Variants in IKZF2 observed in about 807,000 individuals in gnomAD.
IKZF2 encodes IKAROS family zinc finger 2.
A neutral mutation model predicts 49.2 loss-of-function variants in IKZF2; 15 were observed. The observed-to-expected ratio is 0.30, with a 90% CI of 0.20 to 0.47. The LOEUF (loss-of-function observed/expected upper bound fraction) is 0.47. IKZF2 is among the 20% of genes least tolerant of loss of function. The pLI, the probability that IKZF2 is intolerant of heterozygous loss-of-function variation, is 1.00. For missense variants in IKZF2, 567 were observed against 664.6 expected (o/e 0.85, Z 1.61); for synonymous variants, 227 against 221.4 (o/e 1.03, Z -0.23).
In IKZF2 at chr2:213,024,056, A is replaced by G. The variant is rs866677254; in HGVS notation, c.575-1926T>C. Among the ~76,000 whole-genome samples, 11 of 152,198 alleles carry G rather than the reference A, an allele frequency of 7.2e-5. 1 individual carries two copies. The highest frequency in any genetic ancestry group is 2.1e-4 in the South Asian group (1 of 4,816). ...TTTCTACTCACTTTTTACTACTCTC[A>G]TTACTATCCCATCTGCTTTATTTCA... is the stretch of plus-strand genomic sequence containing the variant. On this transcript the variant is annotated intron_variant, in intron 6 of 8. Coordinates refer to ENST00000434687, the MANE Select transcript of IKZF2 (RefSeq NM_001387220.1).
At chr2:213,123,468 C>T (rs538738978) in intron 4 of IKZF2, among the ~76,000 whole-genome samples, 156 of 151,956 alleles carry the variant, frequency 1.0e-3, no homozygotes, top group African/African-American at 3.7e-3. Context: ...TTTGAATTGT[C>T]GAATAAAAGA....
chr2:213,135,495 T>A (rs879217719), intron 4 of IKZF2, among the ~76,000 whole-genome samples: 1 of 151,912 alleles, frequency 6.6e-6, no homozygotes, highest in African/African-American at 2.4e-5. Context: ...AAGACCAGCC[T>A]GGACAACACA....
chr2:213,124,252 GCACACACACACACACACACA>G lies in IKZF2; in HGVS notation c.139+23436_139+23455del, dbSNP rs66958263. On this transcript the variant is annotated intron_variant, in intron 4 of 8. Transcript: ENST00000434687. ...CGCACACATGCGCTCGCGCGCGCGCGCACACACACACACACACACACACACACACACACACACACACACAC... is the reference window on the plus strand; with the variant it reads ...CGCACACATGCGCTCGCGCGCGCGCGCACACACACACACACACACACACAC... Among the ~76,000 whole-genome samples, 58 of 136,320 alleles carry G rather than the reference GCACACACACACACACACACA, an allele frequency of 4.3e-4. 2 individuals are homozygous for G. Among genetic ancestry groups the G allele is most frequent in the South Asian group, 2.0e-3 (8 of 3,990 alleles). 89.4% of individuals were successfully genotyped at this position (136,320 alleles called of 152,430 possible).
At chr2:213,087,801 T>C in intron 4 of IKZF2, among the ~76,000 whole-genome samples, 1 of 152,200 alleles carries the variant, frequency 6.6e-6, no homozygotes, top group African/African-American at 2.4e-5. Flanking sequence ...GGTTTCCAGC[T>C]TCATCCATGT....
chr2:213,080,203 T>TAGATAGATAGATAGATAGGTAGAC (rs1703792082), intron 4 of IKZF2, among the ~76,000 whole-genome samples: 1 of 152,150 alleles, frequency 6.6e-6, no homozygotes, highest in African/African-American at 2.4e-5. Flanking sequence ...GATAGATAGA[T>TAGATAGATAGATAGATAGGTAGAC]AGATATGGAT....
chr2:213,149,026 TC>T (rs2061178279), intron 2 of IKZF2, among the ~76,000 whole-genome samples: 1 of 152,154 alleles, frequency 6.6e-6, no homozygotes, highest in African/African-American at 2.4e-5. Context: ...TTTGAGGACT[TC>T]CCCAGTATAC....
At chr2:213,063,419 C>T (rs566513580) in intron 4 of IKZF2, among the ~76,000 whole-genome samples, 2 of 151,888 alleles carry the variant, frequency 1.3e-5, no homozygotes, top group South Asian at 2.1e-4. Context: ...TGTTATGGGA[C>T]CTTGGGAAAT....
chr2:213,035,206 A>G (rs575009303), intron 6 of IKZF2, among the ~76,000 whole-genome samples: 2 of 152,262 alleles, frequency 1.3e-5, no homozygotes, highest in East Asian at 1.9e-4. Context: ...TCCATATGGA[A>G]AACTCAAGGT....
chr2:213,034,577 G>T (rs1419718757), intron 6 of IKZF2, among the ~76,000 whole-genome samples: 2 of 152,152 alleles, frequency 1.3e-5, no homozygotes, highest in Non-Finnish European at 2.9e-5. Flanking sequence ...CTGGCCAGTT[G>T]GTGAAGCAGT....
intron 4 of IKZF2, among the ~76,000 whole-genome samples, chr2:213,136,452 G>A (rs73079210): frequency 0.015 from 2,210 of 149,618 alleles, 50 homozygotes; most frequent in African/African-American, 0.051. Context: ...CTTATATTTT[G>A]ACTAAATCTA....
chr2:213,021,586 C>G, intron 7 of IKZF2: 1 of 336,888 alleles, frequency 3.0e-6, no homozygotes, highest in Non-Finnish European at 5.7e-6. Context: ...TCAGTAATTT[C>G]TCATAAAAAT....
At chr2:213,108,699 G>C (rs1372003015) in intron 4 of IKZF2, among the ~76,000 whole-genome samples, 2 of 151,956 alleles carry the variant, frequency 1.3e-5, no homozygotes, top group African/African-American at 4.8e-5. Context: ...CATATATTTA[G>C]GTTCTACTCA....
intron 4 of IKZF2, among the ~76,000 whole-genome samples, chr2:213,102,849 T>C (rs1706870750): frequency 1.3e-5 from 2 of 152,092 alleles, no homozygotes; most frequent in South Asian, 4.1e-4. Context: ...ACAGCAAGCA[T>C]GAAGGCATCA....
chr2:213,103,834 C>T (rs936424050), intron 4 of IKZF2, among the ~76,000 whole-genome samples: 18 of 151,992 alleles, frequency 1.2e-4, no homozygotes, highest in Admixed American at 8.5e-4. Flanking sequence ...CATAAAATTC[C>T]TTAGTTACAA....
chr2:213,069,636 C>G (rs2125476054), intron 4 of IKZF2, among the ~76,000 whole-genome samples: 1 of 152,222 alleles, frequency 6.6e-6, no homozygotes, highest in East Asian at 1.9e-4. Flanking sequence ...AAATGTCAAG[C>G]TGACCACTCA....
intron 6 of IKZF2, among the ~76,000 whole-genome samples, chr2:213,037,864 C>T (rs1699189301): frequency 6.6e-6 from 1 of 152,074 alleles, no homozygotes; most frequent in Admixed American, 6.6e-5. Context: ...GGGCCAGGTG[C>T]CAGGTCTACA....
intron 4 of IKZF2, among the ~76,000 whole-genome samples, chr2:213,090,500 C>T (rs1222750395): frequency 6.6e-6 from 1 of 152,094 alleles, no homozygotes; most frequent in Non-Finnish European, 1.5e-5. Context: ...GATGCTTTGG[C>T]TATACACAGA....
chr2:213,041,654 T>C (rs1699667243), intron 6 of IKZF2, among the ~76,000 whole-genome samples: 2 of 152,202 alleles, frequency 1.3e-5, no homozygotes, highest in South Asian at 4.1e-4. Flanking sequence ...ATTTCAATTA[T>C]TTATTTGTCT....
intron 4 of IKZF2, among the ~76,000 whole-genome samples, chr2:213,146,061 T>C (rs913009910): frequency 3.9e-5 from 6 of 152,076 alleles, no homozygotes; most frequent in African/African-American, 1.2e-4. Context: ...CATTTTCCTG[T>C]GGTTGTGTCT....
Sources: allele counts gnomAD v4.1 joint callset (sites outside exome capture counted in the v4.1 genomes callset), GRCh38; gene constraint gnomAD v4.1.1; transcripts MANE v1.5; gene names NCBI Gene and HGNC (gene_info 2026-07-23, HGNC 2026-07-21).